Variants in DYNC1I1 observed in about 807,000 individuals in gnomAD.
DYNC1I1 encodes cytoplasmic dynein 1 intermediate chain 1.
Under a neutral mutation model 86.6 loss-of-function variants are expected in DYNC1I1, and 43 were observed. That is an observed-to-expected ratio of 0.50 (90% CI 0.39 to 0.64). The LOEUF (loss-of-function observed/expected upper bound fraction) is 0.64. DYNC1I1 is among the 30% of genes least tolerant of loss of function. The pLI is 0.00. For synonymous variants in DYNC1I1, 262 were observed against 283.7 expected (o/e 0.92, Z 0.77); for missense variants, 604 against 788.8 (o/e 0.77, Z 2.81).
At chr7:95,889,712 T>C (rs1214294983) in intron 6 of DYNC1I1, among the ~76,000 whole-genome samples, 1 of 151,850 alleles carries the variant, frequency 6.6e-6, no homozygotes, top group Non-Finnish European at 1.5e-5. Flanking sequence ...AGGTCTAATA[T>C]CCAGTATCTA....
intron 14 of DYNC1I1, among the ~76,000 whole-genome samples, chr7:96,050,024 AAAAAACAAACAAAC>A (rs1432805811): frequency 2.0e-4 from 30 of 149,592 alleles, no homozygotes; most frequent in African/African-American, 7.4e-4. Flanking sequence ...TCCATCTCAA[AAAAAACAAACAAAC>A]AAAAAAAAAA....
intron 5 of DYNC1I1, among the ~76,000 whole-genome samples, chr7:95,850,605 A>G (rs1789551839): frequency 6.6e-6 from 1 of 152,192 alleles, no homozygotes; most frequent in South Asian, 2.1e-4. Context: ...TTTGCCTGCC[A>G]CACACACAAA....
chr7:95,785,805 ATATATATATATAT>A (rs1794127540), intron 1 of DYNC1I1, among the ~76,000 whole-genome samples: 3 of 109,978 alleles, frequency 2.7e-5, no homozygotes, highest in Non-Finnish European at 5.6e-5. Flanking sequence ...ATATATATAT[ATATATATATATAT>A]TATATATAAC....
intron 6 of DYNC1I1, among the ~76,000 whole-genome samples, chr7:95,933,531 G>A (rs541243867): frequency 5.9e-5 from 9 of 152,276 alleles, no homozygotes; most frequent in African/African-American, 2.2e-4. Flanking sequence ...TGATGCTCAC[G>A]TGAATTGACA....
At chr7:96,040,470 G>A (rs1789003482) in intron 14 of DYNC1I1, among the ~76,000 whole-genome samples, 2 of 152,100 alleles carry the variant, frequency 1.3e-5, no homozygotes, top group Non-Finnish European at 2.9e-5. Flanking sequence ...GAAGGTAGGA[G>A]AGGGAGTCAT....
intron 16 of DYNC1I1, among the ~76,000 whole-genome samples, chr7:96,080,886 G>C (rs756968197): frequency 1.4e-4 from 22 of 151,802 alleles, no homozygotes; most frequent in Non-Finnish European, 2.8e-4. Context: ...GCTGGCCAAC[G>C]TAGTGAAATC....
chr7:95,988,829 C>T (rs1273355856), intron 9 of DYNC1I1, among the ~76,000 whole-genome samples: 1 of 151,996 alleles, frequency 6.6e-6, no homozygotes, highest in African/African-American at 2.4e-5. Context: ...TTCTTATTTC[C>T]CCCTCACAAC....
chr7:95,963,273 G>T (rs77846401), intron 6 of DYNC1I1, among the ~76,000 whole-genome samples: 4,102 of 152,148 alleles, frequency 0.027, 78 homozygotes, highest in South Asian at 0.1. Context: ...CACATCTCCA[G>T]GCATTCTCTC....
chr7:96,004,646 G>GCGCACA (rs112548540), intron 10 of DYNC1I1, among the ~76,000 whole-genome samples: 25 of 146,142 alleles, frequency 1.7e-4, no homozygotes, highest in African/African-American at 6.0e-4. Context: ...ATAAATGCAT[G>GCGCACA]CACACACACA....
intron 6 of DYNC1I1, among the ~76,000 whole-genome samples, chr7:95,907,111 T>C (rs1791195992): frequency 6.6e-6 from 1 of 152,182 alleles, no homozygotes; most frequent in Admixed American, 6.5e-5. Context: ...GAACATCCGC[T>C]TTGAAATCGG....
chr7:95,944,112 T>C (rs1438710644), intron 6 of DYNC1I1, among the ~76,000 whole-genome samples: 1 of 152,182 alleles, frequency 6.6e-6, no homozygotes, highest in Non-Finnish European at 1.5e-5. Flanking sequence ...AGAAAATTTT[T>C]GCAACCTACT....
chr7:96,042,878 T>G (rs948567873), intron 14 of DYNC1I1, among the ~76,000 whole-genome samples: 1 of 152,052 alleles, frequency 6.6e-6, no homozygotes, highest in Non-Finnish European at 1.5e-5. Flanking sequence ...GAATAAAAAA[T>G]GGGCCGGGGA....
intron 10 of DYNC1I1, among the ~76,000 whole-genome samples, chr7:96,017,896 A>G (rs570875409): frequency 6.6e-6 from 1 of 152,274 alleles, no homozygotes; most frequent in Admixed American, 6.5e-5. Flanking sequence ...GAGTGATCCA[A>G]CTGGTTTCCA....
chr7:95,936,989 C>CACACACAG (rs1792062469), intron 6 of DYNC1I1, among the ~76,000 whole-genome samples: 1 of 151,626 alleles, frequency 6.6e-6, no homozygotes, highest in African/African-American at 2.4e-5. Context: ...CACACACACA[C>CACACACAG]AAATACTATT....
At chr7:96,084,442 C>CTTTTTTTTTTTTTTTTTTTTTTTCT (rs11369815) in intron 16 of DYNC1I1, among the ~76,000 whole-genome samples, 1 of 124,744 alleles carries the variant, frequency 8.0e-6, no homozygotes, top group Non-Finnish European at 1.6e-5. Context: ...TTTTTCTTTT[C>CTTTTTTTTTTTTTTTTTTTTTTTCT]TTTTTTTTTT....
intron 1 of DYNC1I1, among the ~76,000 whole-genome samples, chr7:95,801,495 C>T (rs969902097): frequency 6.6e-6 from 1 of 152,108 alleles, no homozygotes; most frequent in Non-Finnish European, 1.5e-5. Flanking sequence ...GCTGAAGTTG[C>T]ACGAGACAGT....
chr7:95,826,191 C>T (rs1315356477), intron 4 of DYNC1I1, among the ~76,000 whole-genome samples: 1 of 152,172 alleles, frequency 6.6e-6, no homozygotes, highest in Non-Finnish European at 1.5e-5. Flanking sequence ...AAGCACTGGT[C>T]TAAGAAACAC....
At chr7:96,064,260 G>GTC (rs1789889255) in intron 14 of DYNC1I1, among the ~76,000 whole-genome samples, 1 of 145,910 alleles carries the variant, frequency 6.9e-6, no homozygotes. Context: ...CTCTCTCAGT[G>GTC]TCTCTCCAAT....
chr7:95,984,291 A>G (rs1793527385), intron 7 of DYNC1I1, among the ~76,000 whole-genome samples: 1 of 152,190 alleles, frequency 6.6e-6, no homozygotes, highest in Admixed American at 6.5e-5. Context: ...AATATAATTT[A>G]TATAACAATC....
Sources: gnomAD v4.1 joint callset for allele counts (sites outside exome capture counted in the v4.1 genomes callset) on GRCh38, gnomAD v4.1.1 for gene constraint, MANE v1.5 for transcripts, NCBI Gene and HGNC (gene_info 2026-07-23, HGNC 2026-07-21) for gene names.